ANK2: variants seen among roughly 807,000 people sequenced by gnomAD.
ANK2 encodes ankyrin 2.
In ANK2, 83 loss-of-function variants were observed where a neutral mutation model predicts 360.5. The ratio of observed to expected loss-of-function variants is 0.23; its 90% CI spans 0.19 to 0.28. The LOEUF (loss-of-function observed/expected upper bound fraction) is 0.28. Among genes scored for constraint, ANK2 ranks in the 10% least tolerant of loss-of-function variants. The pLI is 1.00. For missense variants in ANK2, 4,201 were observed against 4,795.7 expected (o/e 0.88, Z 3.66); for synonymous variants, 1,740 against 1,759.5 (o/e 0.99, Z 0.28).
At chr4:113,010,408 C>T (rs966837454) in intron 2 of ANK2, among the ~76,000 whole-genome samples, 5 of 152,118 alleles carry the variant, frequency 3.3e-5, no homozygotes, top group Non-Finnish European at 7.4e-5. Flanking sequence ...TTAAAAACCT[C>T]ATTTGTTTAC....
the ANK2 span, among the ~76,000 whole-genome samples, chr4:112,764,599 C>T: frequency 6.6e-6 from 1 of 152,024 alleles, no homozygotes. Flanking sequence ...GCCTCGGCCT[C>T]CCAAAGTGCT....
At chr4:113,021,924 A>G (rs1245623233) in intron 2 of ANK2, among the ~76,000 whole-genome samples, 1 of 152,178 alleles carries the variant, frequency 6.6e-6, no homozygotes, top group African/African-American at 2.4e-5. Context: ...TCCCACTTTG[A>G]AGCTGGCAGT....
intron 13 of ANK2, among the ~76,000 whole-genome samples, chr4:113,263,171 G>A (rs1168735763): frequency 1.5e-5 from 2 of 129,294 alleles, no homozygotes; most frequent in Non-Finnish European, 3.1e-5. Flanking sequence ...CTGGGAAACA[G>A]AGCAAGACTC....
chr4:112,971,586 A>T (rs2039541855), intron 2 of ANK2, among the ~76,000 whole-genome samples: 1 of 152,236 alleles, frequency 6.6e-6, no homozygotes, highest in South Asian at 2.1e-4. Flanking sequence ...TAGAATATAT[A>T]AAAGGCTAGA....
intron 1 of ANK2, among the ~76,000 whole-genome samples, chr4:112,858,784 C>A (rs757725113): frequency 2.0e-4 from 30 of 152,186 alleles, no homozygotes; most frequent in Non-Finnish European, 2.9e-4. Context: ...GGTAGGTAAT[C>A]CTTTTTTCTT....
At chr4:113,376,153 G>A (rs2096925110) in intron 45 of ANK2, among the ~76,000 whole-genome samples, 1 of 152,104 alleles carries the variant, frequency 6.6e-6, no homozygotes, top group Non-Finnish European at 1.5e-5. Flanking sequence ...ATATGTGCTG[G>A]GAAATGCATC....
rs779278730 is a variant in ANK2, at chr4:113,354,404, C to T, written c.5786C>T (p.Ser1929Leu). 6.8e-6 allele frequency: 11 copies of T among 1,613,972 alleles called. No homozygotes were observed. In the East Asian group the frequency reaches 1.8e-4, roughly 26 times the overall value. ...AGGACAGAAAAACACCCGCCAGTAT[C>T]GCCTGGGAGAACAGAAAAACGCTTG... ...SGRTEKHPPV[S>L]PGRTEKRLPV... The change falls in exon 38 of 46, where the codon TCG becomes TTG. Residue 1929 changes from serine to leucine, a missense_variant. By Grantham distance (145) the Ser-to-Leu change is moderately radical. This residue lies in a region of ANK2 where 2,642 missense variants were observed against 2,714.5 expected (regional missense o/e 0.97). Transcript: ENST00000357077.
At chr4:112,981,808 G>C (rs1383807927) in intron 2 of ANK2, among the ~76,000 whole-genome samples, 1 of 152,200 alleles carries the variant, frequency 6.6e-6, no homozygotes, top group Non-Finnish European at 1.5e-5. Context: ...TTGGAATTGT[G>C]AAGTAATGCC....
At chr4:112,949,695 A>G (rs1043025500) in intron 2 of ANK2, among the ~76,000 whole-genome samples, 15 of 152,246 alleles carry the variant, frequency 9.9e-5, no homozygotes, top group African/African-American at 3.4e-4. Flanking sequence ...TTAAAATGAC[A>G]AAACTGCTAG....
intron 26 of ANK2, among the ~76,000 whole-genome samples, chr4:113,326,649 T>C (rs866550113): frequency 5.9e-5 from 9 of 152,230 alleles, no homozygotes; most frequent in Non-Finnish European, 1.2e-4. Context: ...GTGGGTTTTT[T>C]TGGTTTGTGT....
intron 1 of ANK2, among the ~76,000 whole-genome samples, chr4:112,887,430 A>T (rs940567409): frequency 6.6e-5 from 10 of 152,228 alleles, no homozygotes; most frequent in African/African-American, 2.4e-4. Flanking sequence ...AGGTGTATTA[A>T]GTGCATTTTT....
At position 113,356,965 on chromosome 4, in the gene ANK2, A is replaced by G. The variant is rs1564034412; in HGVS notation, c.8347A>G (p.Ser2783Gly). ...CCATGGATGTGAGGCCATGAGTCCT[A>G]GCAGCTCAGCTGCTCCTGTCTCTTC... ...DGHGCEAMSPSSSAAPVSSGL... is the reference protein window; with the variant it reads ...DGHGCEAMSPGSSAAPVSSGL... The change falls in exon 38 of 46, where the codon AGC (serine) becomes GGC (glycine). Residue 2783 changes from serine to glycine, a missense_variant. Physicochemically the swap from Ser to Gly is moderately conservative, Grantham distance 56 (BLOSUM62 0). Coordinates refer to ENST00000357077, the MANE Select transcript of ANK2 (RefSeq NM_001148.6). 1 of 1,614,080 alleles carries G rather than the reference A, an allele frequency of 6.2e-7. No individual in the cohort carries two copies. Among genetic ancestry groups the G allele is most frequent in the Non-Finnish European group, 8.5e-7 (1 of 1,179,982 alleles).
the ANK2 span, chr4:112,788,707 G>T: frequency 1.2e-4 from 187 of 1,596,362 alleles, 1 homozygote; most frequent in East Asian, 4.1e-3. Context: ...ATATAGCGGG[G>T]CCATTTCACA....
intron 1 of ANK2, among the ~76,000 whole-genome samples, chr4:113,140,121 T>C (rs758458293): frequency 6.6e-6 from 1 of 152,196 alleles, no homozygotes; most frequent in Non-Finnish European, 1.5e-5. Context: ...TTGTATTGAA[T>C]GTACCCAAAC....
chr4:113,177,500 T>C (rs1212804601), intron 2 of ANK2, among the ~76,000 whole-genome samples: 2 of 152,206 alleles, frequency 1.3e-5, no homozygotes, highest in Non-Finnish European at 2.9e-5. Flanking sequence ...GGTAAACTTA[T>C]CATAAATAAC....
intron 1 of ANK2, among the ~76,000 whole-genome samples, chr4:112,853,407 GC>G (rs2065537064): frequency 6.6e-6 from 1 of 151,534 alleles, no homozygotes; most frequent in Non-Finnish European, 1.5e-5. Flanking sequence ...CTGCTATGAT[GC>G]CAGGCTTGTC....
intron 1 of ANK2, among the ~76,000 whole-genome samples, chr4:113,104,300 A>G (rs928222130): frequency 6.6e-6 from 1 of 152,180 alleles, no homozygotes; most frequent in Non-Finnish European, 1.5e-5. Context: ...GAAAAAGAAA[A>G]GCAATTAGTT....
chr4:113,182,365 G>A (rs747758375), intron 2 of ANK2, among the ~76,000 whole-genome samples: 2 of 152,158 alleles, frequency 1.3e-5, no homozygotes, highest in African/African-American at 4.8e-5. Context: ...CTAGGGTCCA[G>A]AAAAAAGATT....
At chr4:112,981,518 C>T (rs552954524) in intron 2 of ANK2, among the ~76,000 whole-genome samples, 1 of 152,242 alleles carries the variant, frequency 6.6e-6, no homozygotes, top group Non-Finnish European at 1.5e-5. Context: ...TTAGTAACTT[C>T]ATGGATGAGA....
Sources: allele counts gnomAD v4.1 joint callset (sites outside exome capture counted in the v4.1 genomes callset), GRCh38; gene constraint gnomAD v4.1.1; regional missense constraint gnomAD v4.1.1; transcripts MANE v1.5; gene names NCBI Gene and HGNC (gene_info 2026-07-23, HGNC 2026-07-21).